Variants in ADGRB3 observed in about 807,000 individuals in gnomAD.
ADGRB3 encodes adhesion G protein-coupled receptor B3.
ADGRB3 carries 37 observed loss-of-function variants against 193.4 expected under a neutral mutation model. That is an observed-to-expected ratio of 0.19 (90% CI 0.15 to 0.25). ADGRB3 has a LOEUF of 0.25. ADGRB3 is among the 10% of genes least tolerant of loss of function. The pLI is 1.00. For missense variants in ADGRB3, 1,637 were observed against 1,852.9 expected, an observed-to-expected ratio of 0.88 and a Z score of 2.14; for synonymous variants, 690 against 644.2, an observed-to-expected ratio of 1.07 and a Z score of -1.08.
intron 3 of ADGRB3, among the ~76,000 whole-genome samples, chr6:68,829,120 G>C (rs139215224): frequency 0.012 from 1,151 of 97,180 alleles, 20 homozygotes; most frequent in African/African-American, 0.043. Context: ...TTTTTTTTGA[G>C]ATGGTGTCTT....
At chr6:68,885,098 A>G (rs1380821629) in intron 3 of ADGRB3, among the ~76,000 whole-genome samples, 3 of 152,206 alleles carry the variant, frequency 2.0e-5, no homozygotes, top group Non-Finnish European at 1.5e-5. Context: ...TGCTTAATTA[A>G]TTGTGCAGAA....
chr6:68,958,001 G>A (rs1044833908), intron 8 of ADGRB3, among the ~76,000 whole-genome samples: 1 of 152,040 alleles, frequency 6.6e-6, no homozygotes, highest in Non-Finnish European at 1.5e-5. Flanking sequence ...AGGAGTTCGA[G>A]ACCAGCCTGG....
intron 20 of ADGRB3, among the ~76,000 whole-genome samples, chr6:69,248,902 C>CAG (rs1478849368): frequency 1.3e-5 from 2 of 152,202 alleles, no homozygotes; most frequent in Admixed American, 1.3e-4. Context: ...AGAACTGGAA[C>CAG]AGAGGGACCT....
intron 3 of ADGRB3, among the ~76,000 whole-genome samples, chr6:68,775,156 A>AAAAAAAAG (rs1388001547): frequency 1.3e-5 from 2 of 151,706 alleles, no homozygotes; most frequent in African/African-American, 4.8e-5. Flanking sequence ...AAAAAAAAAA[A>AAAAAAAAG]AAAAAGTCTT....
chr6:69,264,519 TTTTTA>T (rs1766999470), intron 20 of ADGRB3, among the ~76,000 whole-genome samples: 1 of 151,964 alleles, frequency 6.6e-6, no homozygotes, highest in African/African-American at 2.4e-5. Context: ...TCTCCTTTTT[TTTTTA>T]TTTATTTAGA....
chr6:68,670,610 A>C (rs1768928096), intron 3 of ADGRB3, among the ~76,000 whole-genome samples: 1 of 151,608 alleles, frequency 6.6e-6, no homozygotes, highest in African/African-American at 2.4e-5. Flanking sequence ...CTGTTCCATG[A>C]GTCTATGTTT....
At chr6:68,898,435 C>T (rs1766301910) in intron 3 of ADGRB3, among the ~76,000 whole-genome samples, 1 of 152,242 alleles carries the variant, frequency 6.6e-6, no homozygotes, top group African/African-American at 2.4e-5. Flanking sequence ...CAGACACACC[C>T]AGAAATAATG....
chr6:69,186,693 T>A (rs1765077684), intron 17 of ADGRB3, among the ~76,000 whole-genome samples: 1 of 152,128 alleles, frequency 6.6e-6, no homozygotes, highest in African/African-American at 2.4e-5. Flanking sequence ...GAACCAAAAA[T>A]CTGCTTCCTC....
intron 5 of ADGRB3, 62 bp from the exon 6 acceptor site, chr6:68,943,768 G>T (rs1179159648): frequency 9.3e-6 from 13 of 1,404,868 alleles, no homozygotes; most frequent in Non-Finnish European, 1.2e-5. Flanking sequence ...TAATTATAAA[G>T]AAAATGATCT....
rs1207531768 is a variant in ADGRB3 at position 69,191,936 on chromosome 6, CAAT to C, written c.2481-41353_2481-41351del. Among the ~76,000 whole-genome samples, 10 of 152,114 alleles carry C rather than the reference CAAT, an allele frequency of 6.6e-5. No homozygotes were observed. In the South Asian group the frequency reaches 2.1e-3, roughly 32 times the overall value. On this transcript the variant is annotated intron_variant, in intron 17 of 31. Coordinates refer to ENST00000370598, the MANE Select transcript of ADGRB3 (RefSeq NM_001704.3). The stretch of plus-strand genomic sequence containing the variant: ...ACTGTTTATGTAATTCTAGAGTAGG[CAAT>C]TAAAAACTAGACTGAGGGGAGTGAA...
intron 15 of ADGRB3, among the ~76,000 whole-genome samples, chr6:69,055,391 C>T (rs1456740287): frequency 1.3e-5 from 2 of 152,178 alleles, no homozygotes; most frequent in Admixed American, 6.5e-5. Context: ...CAGTATTCAT[C>T]TTTTTGTGAT....
At chr6:69,103,759 T>G (rs1259545213) in intron 17 of ADGRB3, among the ~76,000 whole-genome samples, 2 of 150,470 alleles carry the variant, frequency 1.3e-5, no homozygotes, top group Admixed American at 1.3e-4. Context: ...TAAAATATAT[T>G]TGTTATTATA....
At chr6:68,923,367 T>G (rs969425155) in intron 3 of ADGRB3, among the ~76,000 whole-genome samples, 7 of 152,050 alleles carry the variant, frequency 4.6e-5, no homozygotes, top group Admixed American at 1.3e-4. Context: ...CTCAATTGAT[T>G]GTAATTCAAG....
intron 17 of ADGRB3, among the ~76,000 whole-genome samples, chr6:69,167,065 T>C (rs1449739767): frequency 6.6e-6 from 1 of 152,188 alleles, no homozygotes; most frequent in Non-Finnish European, 1.5e-5. Context: ...AGTTTGACTC[T>C]CACAGAGCAG....
chr6:69,011,055 A>G (rs567765944), intron 11 of ADGRB3, among the ~76,000 whole-genome samples: 2 of 151,826 alleles, frequency 1.3e-5, no homozygotes, highest in Non-Finnish European at 2.9e-5. Flanking sequence ...GTTTGGTTCT[A>G]TTTATCAGTC....
At position 68,947,430 on chromosome 6, in the gene ADGRB3, T is replaced by A. The variant is rs150587508; in HGVS notation, c.1195+3436T>A. On this transcript the variant is annotated intron_variant, in intron 6 of 31. Transcript: ENST00000370598. ...TAAATAAATTTTCTTTTATTTCCTG[T>A]TTCTCTCTCCATGCAACTCTATATA... 9.8e-3 allele frequency among the ~76,000 whole-genome samples: 1,497 copies of A among 152,226 alleles called. 22 individuals are homozygous for A. The highest frequency in any genetic ancestry group is 0.034 in the African/African-American group (1,411 of 41,538).
chr6:69,345,970 CAGAG>C (rs1211105545), intron 26 of ADGRB3, among the ~76,000 whole-genome samples: 1 of 152,140 alleles, frequency 6.6e-6, no homozygotes, highest in Non-Finnish European at 1.5e-5. Context: ...AATAGACAAA[CAGAG>C]AGCCAAATTA....
At chr6:69,208,410 C>A (rs540405007) in intron 17 of ADGRB3, among the ~76,000 whole-genome samples, 9 of 152,318 alleles carry the variant, frequency 5.9e-5, no homozygotes, top group African/African-American at 2.2e-4. Flanking sequence ...TCAGCCAAAC[C>A]ATTGGCTACA....
intron 4 of ADGRB3, among the ~76,000 whole-genome samples, chr6:68,935,115 A>C (rs780461298): frequency 2.6e-5 from 4 of 152,176 alleles, no homozygotes. Flanking sequence ...GTACTACTCA[A>C]AGTGTGGTTA....
Sources: allele counts gnomAD v4.1 joint callset (sites outside exome capture counted in the v4.1 genomes callset), GRCh38; gene constraint gnomAD v4.1.1; transcripts MANE v1.5; gene names NCBI Gene and HGNC (gene_info 2026-07-23, HGNC 2026-07-21).